ASCC1: variants seen among roughly 807,000 people sequenced by gnomAD.
ASCC1 encodes ASC-1 complex subunit P50.
ASCC1 carries 35 observed loss-of-function variants against 46.6 expected under a neutral mutation model. The observed-to-expected ratio is 0.75, with a 90% CI of 0.57 to 0.99. The LOEUF is 0.99. Ranked by LOEUF, ASCC1 falls within the 50% of genes least tolerant of loss-of-function variation. The pLI, the probability that ASCC1 is intolerant of heterozygous loss-of-function variation, is 0.00. For synonymous variants in ASCC1, 143 were observed against 146.6 expected (o/e 0.98, Z 0.18); for missense variants, 376 against 428.7 (o/e 0.88, Z 1.09).
At chr10:72,190,168 T>C in intron 5 of ASCC1, 1 of 763,334 alleles carries the variant, frequency 1.3e-6, no homozygotes, top group Non-Finnish European at 2.4e-6. Flanking sequence ...ACCCAGTTCC[T>C]AAGGGTGCAA....
chr10:72,193,464 A>ACACACACACAC (rs1415936211), intron 5 of ASCC1, among the ~76,000 whole-genome samples: 1 of 151,692 alleles, frequency 6.6e-6, no homozygotes, highest in Admixed American at 6.6e-5. Flanking sequence ...ACACACACAC[A>ACACACACACAC]CACACACACA....
intron 5 of ASCC1, among the ~76,000 whole-genome samples, chr10:72,181,185 C>T (rs1201952232): frequency 1.3e-5 from 2 of 152,082 alleles, no homozygotes; most frequent in African/African-American, 4.8e-5. Context: ...AGGATGGTCT[C>T]GATCTCTTGA....
At chr10:72,129,880 C>CTG (rs908201385) in intron 8 of ASCC1, among the ~76,000 whole-genome samples, 9 of 145,594 alleles carry the variant, frequency 6.2e-5, no homozygotes, top group Non-Finnish European at 1.2e-4. Flanking sequence ...ACTCAGGAGG[C>CTG]TGAAGTGGGA....
chr10:72,103,972 C>T (rs3780946), intron 9 of ASCC1, among the ~76,000 whole-genome samples: 19,915 of 152,128 alleles, frequency 0.13, 2,333 homozygotes, highest in African/African-American at 0.31. Flanking sequence ...TGAAGGCTCC[C>T]GTGTCATGTA....
chr10:72,160,473 AAAATTTTACAG>A, intron 6 of ASCC1, among the ~76,000 whole-genome samples: 1 of 152,306 alleles, frequency 6.6e-6, no homozygotes, highest in South Asian at 2.1e-4. Flanking sequence ...TGTGTAAATT[AAAATTTTACAG>A]TAAAAAAAGA....
At chr10:72,191,453 T>G (rs12252092) in intron 5 of ASCC1, among the ~76,000 whole-genome samples, 20,683 of 151,598 alleles carry the variant, frequency 0.14, 4,028 homozygotes, top group African/African-American at 0.43. Context: ...ACATACTATG[T>G]GGTATAATAG....
At chr10:72,104,973 C>T (rs1842183251) in intron 9 of ASCC1, among the ~76,000 whole-genome samples, 1 of 152,110 alleles carries the variant, frequency 6.6e-6, no homozygotes, top group African/African-American at 2.4e-5. Context: ...CAGAAACAGG[C>T]AGACTTTGGG....
chr10:72,206,261 G>C (rs778878506), intron 3 of ASCC1, among the ~76,000 whole-genome samples: 1 of 149,358 alleles, frequency 6.7e-6, no homozygotes, highest in Non-Finnish European at 1.5e-5. Context: ...AAAATTAGCC[G>C]GGCATGGTGG....
At chr10:72,202,802 A>C (rs540150900) in intron 4 of ASCC1, among the ~76,000 whole-genome samples, 1 of 152,296 alleles carries the variant, frequency 6.6e-6, no homozygotes, top group African/African-American at 2.4e-5. Context: ...TTCTAATTGG[A>C]AACAATTCAC....
chr10:72,142,998 A>G (rs1397506075), intron 7 of ASCC1, among the ~76,000 whole-genome samples: 1 of 151,664 alleles, frequency 6.6e-6, no homozygotes, highest in Non-Finnish European at 1.5e-5. Context: ...CATCTCTACT[A>G]AAAATACGAA....
At chr10:72,138,420 G>A (rs1395779180) in intron 7 of ASCC1, among the ~76,000 whole-genome samples, 1 of 151,964 alleles carries the variant, frequency 6.6e-6, no homozygotes, top group Non-Finnish European at 1.5e-5. Flanking sequence ...TAGGATTTCT[G>A]ACAATTTACA....
At chr10:72,211,725 A>G (rs1858154849) in intron 2 of ASCC1, among the ~76,000 whole-genome samples, 1 of 151,848 alleles carries the variant, frequency 6.6e-6, no homozygotes, top group African/African-American at 2.4e-5. Context: ...CAGGAGGCTG[A>G]GGCTGGAGAA....
chr10:72,102,002 G>A (rs1051935042), intron 9 of ASCC1, among the ~76,000 whole-genome samples: 1 of 152,106 alleles, frequency 6.6e-6, no homozygotes, highest in African/African-American at 2.4e-5. Context: ...GAGGGAGGGA[G>A]GAGGGAGAGA....
At chr10:72,183,094 G>T (rs1456160112) in intron 5 of ASCC1, among the ~76,000 whole-genome samples, 1 of 148,890 alleles carries the variant, frequency 6.7e-6, no homozygotes, top group Non-Finnish European at 1.5e-5. Flanking sequence ...CCAGGCTGGA[G>T]TGCAGTGGTG....
intron 9 of ASCC1, among the ~76,000 whole-genome samples, chr10:72,122,186 C>G (rs748781860): frequency 3.3e-5 from 5 of 152,152 alleles, no homozygotes; most frequent in Non-Finnish European, 5.9e-5. Context: ...TTTGGGATGC[C>G]AAGGTGGGCG....
intron 3 of ASCC1, among the ~76,000 whole-genome samples, chr10:72,206,835 G>A (rs7900919): frequency 0.063 from 9,580 of 152,182 alleles, 1,006 homozygotes; most frequent in African/African-American, 0.22. Context: ...TAGGGGCAGG[G>A]TGCTAAGTGG....
intron 2 of ASCC1, among the ~76,000 whole-genome samples, chr10:72,211,158 A>G (rs1400056396): frequency 6.6e-6 from 1 of 152,182 alleles, no homozygotes; most frequent in Admixed American, 6.5e-5. Flanking sequence ...GCTGTCCAAA[A>G]CTATTACTAC....
intron 9 of ASCC1, among the ~76,000 whole-genome samples, chr10:72,112,754 C>T (rs903044972): frequency 6.6e-6 from 1 of 151,818 alleles, no homozygotes; most frequent in Non-Finnish European, 1.5e-5. Flanking sequence ...TGGCACACGC[C>T]TGTAATCCCA....
intron 3 of ASCC1, among the ~76,000 whole-genome samples, chr10:72,205,404 G>A (rs910004635): frequency 1.3e-5 from 2 of 152,144 alleles, no homozygotes; most frequent in African/African-American, 4.8e-5. Flanking sequence ...CCGAGGTGGG[G>A]GGGATCACCT....
Sources: allele counts gnomAD v4.1 joint callset (sites outside exome capture counted in the v4.1 genomes callset), GRCh38; gene constraint gnomAD v4.1.1; transcripts MANE v1.5; gene names NCBI Gene and HGNC (gene_info 2026-07-23, HGNC 2026-07-21).